IGSF11: variants seen among roughly 807,000 people sequenced by gnomAD.
IGSF11 encodes the protein CXADR like 1.
Under a neutral mutation model 41.0 loss-of-function variants are expected in IGSF11, and 22 were observed. That is an observed-to-expected ratio of 0.54 (90% CI 0.38 to 0.77). The LOEUF (loss-of-function observed/expected upper bound fraction) is 0.77. IGSF11 is among the 30% of genes least tolerant of loss of function. The pLI is 0.00. For synonymous variants in IGSF11, 219 were observed against 201.3 expected (o/e 1.09, Z -0.74); for missense variants, 444 against 530.8 (o/e 0.84, Z 1.61).
intron 1 of IGSF11, among the ~76,000 whole-genome samples, chr3:119,042,832 C>A (rs141300391): frequency 6.6e-6 from 1 of 152,322 alleles, no homozygotes; most frequent in Non-Finnish European, 1.5e-5. Flanking sequence ...CTTGAAAACA[C>A]CACCTCCTGG....
intron 1 of IGSF11, among the ~76,000 whole-genome samples, chr3:118,956,112 C>A (rs1040176746): frequency 3.3e-5 from 5 of 152,180 alleles, no homozygotes; most frequent in African/African-American, 1.2e-4. Flanking sequence ...TAGCTTCAAA[C>A]ATTTTTCTGT....
chr3:119,073,473 G>A lies in IGSF11; in HGVS notation c.49+31671C>T, dbSNP rs138194331. Among the ~76,000 whole-genome samples, 283 of 152,336 alleles carry A rather than the reference G, an allele frequency of 1.9e-3. 1 individual carries two copies. The highest frequency in any genetic ancestry group is 6.4e-3 in the African/African-American group (268 of 41,584). The stretch of plus-strand genomic sequence containing the variant: ...TGGAGCAGGTGGTGGCGCCCATCGG[G>A]GAGGCTCAGGCCGCATGGGAGCCCA... On this transcript the variant is annotated intron_variant, in intron 1 of 6. Coordinates refer to the IGSF11 transcript ENST00000354673.
At position 119,010,386 on chromosome 3, in the gene IGSF11, T is replaced by C. The variant is rs1006103815; in HGVS notation, c.52+24145A>G. On this transcript the variant is annotated intron_variant, in intron 1 of 6. Transcript: ENST00000393775. The stretch of plus-strand genomic sequence containing the variant: ...CGACGGTTAATTGTATGTGTCAACT[T>C]AACTAGAGTAAGGGATATCCGGAAA... 3.3e-5 allele frequency among the ~76,000 whole-genome samples: 5 copies of C among 152,298 alleles called. 1 individual carries two copies. Among genetic ancestry groups the C allele is most frequent in the East Asian group, 1.9e-4 (1 of 5,188 alleles).
chr3:119,132,041 C>T (rs879778120), intron 1 of IGSF11, among the ~76,000 whole-genome samples: 11 of 152,028 alleles, frequency 7.2e-5, no homozygotes, highest in Non-Finnish European at 1.5e-4. Flanking sequence ...TACAAGAGCT[C>T]CTGAAGGAAG....
chr3:119,115,959 G>C (rs1040867840), intron 1 of IGSF11, among the ~76,000 whole-genome samples: 1 of 152,130 alleles, frequency 6.6e-6, no homozygotes, highest in Non-Finnish European at 1.5e-5. Context: ...ATATAATTAA[G>C]GTCCTACTTC....
intron 1 of IGSF11, among the ~76,000 whole-genome samples, chr3:119,024,141 CAATT>C (rs949644883): frequency 4.6e-5 from 7 of 152,052 alleles, no homozygotes; most frequent in African/African-American, 1.7e-4. Context: ...GATAAGAGCA[CAATT>C]AATTTGTTCA....
At chr3:118,927,807 CAGA>C (rs1435038856) in intron 3 of IGSF11, among the ~76,000 whole-genome samples, 2 of 152,192 alleles carry the variant, frequency 1.3e-5, no homozygotes, top group East Asian at 3.9e-4. Context: ...ATATTAGAGA[CAGA>C]AGAATTGAAA....
upstream of IGSF11, among the ~76,000 whole-genome samples, chr3:119,036,829 A>C (rs1035326601): frequency 1.3e-5 from 2 of 152,208 alleles, no homozygotes; most frequent in Non-Finnish European, 2.9e-5. Context: ...GCCAGGCAAG[A>C]GCTACTGAGT....
At chr3:118,929,972 G>A (rs1942704589) in intron 2 of IGSF11, 140 bp downstream of exon 2, 1 of 667,036 alleles carries the variant, frequency 1.5e-6, no homozygotes, top group Non-Finnish European at 2.5e-6. Flanking sequence ...TAGGGCAGAG[G>A]AGTAGGCCTT....
Position 118,950,436 on chromosome 3 carries a change from G to A in IGSF11, c.53-20161C>T, listed in dbSNP as rs148711608. ...TTGATTGCCACGACGAGATACAACA[G>A]TATTATGACACAGTAAAAAATTCCT... On this transcript the variant is annotated intron_variant, in intron 1 of 6. Coordinates refer to ENST00000393775, the MANE Select transcript of IGSF11 (RefSeq NM_001015887.3). Among the ~76,000 whole-genome samples, 460 of 152,134 alleles carry A rather than the reference G, an allele frequency of 3.0e-3. 2 individuals are homozygous for A. The highest frequency in any genetic ancestry group is 0.014 in the Middle Eastern group (4 of 294).
intron 4 of IGSF11, among the ~76,000 whole-genome samples, chr3:118,914,397 G>A (rs11928847): frequency 0.056 from 8,489 of 151,298 alleles, 767 homozygotes; most frequent in African/African-American, 0.19. Flanking sequence ...CAGTGGGTGC[G>A]CGCACCGTGT....
intron 1 of IGSF11, among the ~76,000 whole-genome samples, chr3:119,064,252 G>T (rs1399554921): frequency 3.9e-5 from 6 of 152,196 alleles, no homozygotes; most frequent in African/African-American, 1.4e-4. Flanking sequence ...ATGGTATGAG[G>T]TAGGAATAGC....
chr3:118,963,520 A>T (rs1363091569), intron 1 of IGSF11, among the ~76,000 whole-genome samples: 1 of 152,160 alleles, frequency 6.6e-6, no homozygotes, highest in East Asian at 1.9e-4. Context: ...GCCCTAGGGG[A>T]TAATTATGTT....
chr3:119,004,545 T>C (rs1422620685), intron 1 of IGSF11, among the ~76,000 whole-genome samples: 2 of 140,888 alleles, frequency 1.4e-5, no homozygotes, highest in Non-Finnish European at 3.0e-5. Context: ...GTTCTTTTAA[T>C]TGTGATGTTA....
At chr3:119,094,221 A>G (rs2076809976) in intron 1 of IGSF11, among the ~76,000 whole-genome samples, 2 of 103,874 alleles carry the variant, frequency 1.9e-5, no homozygotes, top group Non-Finnish European at 3.9e-5. Flanking sequence ...TACATAGCGA[A>G]GTAAAAAAAA....
chr3:119,002,788 T>G (rs1431303579), intron 1 of IGSF11, among the ~76,000 whole-genome samples: 1 of 95,740 alleles, frequency 1.0e-5, no homozygotes, highest in Non-Finnish European at 1.9e-5. Context: ...GTTGTAGGTA[T>G]GCGGCATTAT....
At chr3:119,137,252 C>T (rs1206307235) in intron 1 of IGSF11, among the ~76,000 whole-genome samples, 1 of 151,854 alleles carries the variant, frequency 6.6e-6, no homozygotes, top group Non-Finnish European at 1.5e-5. Context: ...AACAAAAGAT[C>T]CAGAATAGCC....
At chr3:118,903,167 C>A (rs901405113) in intron 6 of IGSF11, among the ~76,000 whole-genome samples, 1 of 152,104 alleles carries the variant, frequency 6.6e-6, no homozygotes, top group Non-Finnish European at 1.5e-5. Context: ...TCAAGAAAAT[C>A]TCTCCTCAGC....
chr3:119,039,795 G>A (rs1941047658), upstream of IGSF11, among the ~76,000 whole-genome samples: 1 of 152,158 alleles, frequency 6.6e-6, no homozygotes, highest in Non-Finnish European at 1.5e-5. Context: ...CACTTCTTAA[G>A]ATCTTTTCTC....
Sources: gnomAD v4.1 joint callset for allele counts (sites outside exome capture counted in the v4.1 genomes callset) on GRCh38, gnomAD v4.1.1 for gene constraint, MANE v1.5 for transcripts, NCBI Gene and HGNC (gene_info 2026-07-23, HGNC 2026-07-21) for gene names.